Variants in SORD observed in about 807,000 individuals in gnomAD.
SORD encodes (R,R)-butanediol dehydrogenase.
In SORD, 18 loss-of-function variants were observed where a neutral mutation model predicts 35.6. That is an observed-to-expected ratio of 0.51 (90% confidence interval 0.35 to 0.75). SORD has a LOEUF of 0.75. Among genes scored for constraint, SORD ranks in the 30% least tolerant of loss-of-function variants. The pLI is 0.01. For synonymous variants in SORD, 106 were observed against 152.9 expected (o/e 0.69, Z 2.26); for missense variants, 250 against 390.2 (o/e 0.64, Z 3.03).
Position 45,023,342 on chromosome 15 carries a change from T to TG in SORD, c.60dup (p.Arg21AlafsTer9), listed in dbSNP as rs1309942106. 1 of 1,577,520 alleles carries TG rather than the reference T, an allele frequency of 6.3e-7. No individual in the cohort carries two copies. Among genetic ancestry groups the TG allele is most frequent in the Admixed American group, 1.8e-5 (1 of 55,844 alleles). ...CTGGTGGTGCACGGACCGGGGGACT[T>TG]GCGCCTGGTAAGCTGGGAAGGAGGG... On this transcript the variant is annotated frameshift_variant, in exon 1 of 9. Coordinates refer to ENST00000267814, the MANE Select transcript of SORD (RefSeq NM_003104.6). LOFTEE classifies it high-confidence loss of function.
intron 1 of SORD, among the ~76,000 whole-genome samples, chr15:45,030,811 AGCCTGGT>A (rs1892768294): frequency 6.6e-6 from 1 of 152,228 alleles, no homozygotes; most frequent in East Asian, 1.9e-4. Flanking sequence ...TCACCTCTCC[AGCCTGGT>A]GAGGACAGGG....
At chr15:45,029,176 G>A (rs1352357198) in intron 1 of SORD, among the ~76,000 whole-genome samples, 6 of 152,346 alleles carry the variant, frequency 3.9e-5, no homozygotes, top group African/African-American at 1.2e-4. Flanking sequence ...TCTTAATTAT[G>A]TTTTAACAAC....
chr15:45,045,088 G>T (rs544394670), intron 3 of SORD, among the ~76,000 whole-genome samples: 1 of 152,236 alleles, frequency 6.6e-6, no homozygotes, highest in African/African-American at 2.4e-5. Context: ...ATTGCCCAGG[G>T]TCACTCACTA....
At chr15:45,034,646 T>C (rs1192154649) in intron 1 of SORD, among the ~76,000 whole-genome samples, 1 of 152,222 alleles carries the variant, frequency 6.6e-6, no homozygotes, top group African/African-American at 2.4e-5. Flanking sequence ...CTGAAGGGGA[T>C]AGAAGGTGAG....
intron 4 of SORD, among the ~76,000 whole-genome samples, chr15:45,064,186 G>T (rs1893368730): frequency 6.6e-6 from 1 of 151,542 alleles, no homozygotes; most frequent in Non-Finnish European, 1.5e-5. Flanking sequence ...GCAGAAATTG[G>T]ATATTAATAT....
chr15:45,025,774 T>A (rs552353401), intron 1 of SORD, among the ~76,000 whole-genome samples: 1 of 152,334 alleles, frequency 6.6e-6, no homozygotes, highest in Admixed American at 6.5e-5. Flanking sequence ...TGAGCAGTAC[T>A]GCACTGCCCC....
intron 7 of SORD, chr15:45,070,108 T>C (rs1026652751): frequency 6.6e-6 from 1 of 152,140 alleles, no homozygotes; most frequent in Non-Finnish European, 1.5e-5. Context: ...CATTTTATGC[T>C]GAGGGATTTG....
intron 4 of SORD, among the ~76,000 whole-genome samples, chr15:45,063,168 G>C (rs1893349646): frequency 6.7e-6 from 1 of 149,358 alleles, no homozygotes; most frequent in Non-Finnish European, 1.5e-5. Flanking sequence ...CTTTCTGCCT[G>C]TGTCCCCAGT....
At chr15:45,060,872 C>A (rs1893291608) in intron 3 of SORD, 195 bp from the exon 4 acceptor site, 2 of 1,285,614 alleles carry the variant, frequency 1.6e-6, no homozygotes, top group Non-Finnish European at 2.1e-6. Context: ...GCCTAGGACA[C>A]CCTGGGTCCC....
intron 2 of SORD, among the ~76,000 whole-genome samples, chr15:45,041,042 C>G (rs1175138551): frequency 6.6e-6 from 1 of 152,194 alleles, no homozygotes; most frequent in East Asian, 1.9e-4. Context: ...GGGTTTCCAA[C>G]ACCTTTACTC....
chr15:45,030,968 A>C (rs568926936), intron 1 of SORD, among the ~76,000 whole-genome samples: 1 of 152,268 alleles, frequency 6.6e-6, no homozygotes, highest in Non-Finnish European at 1.5e-5. Context: ...TCAATGGCCA[A>C]TTAAATGTGA....
chr15:45,054,363 T>A (rs200874181), intron 3 of SORD, among the ~76,000 whole-genome samples: 2,406 of 152,156 alleles, frequency 0.016, 17 homozygotes, highest in Middle Eastern at 0.031. Context: ...GGTATCTCAT[T>A]GTGGTTTTGA....
intron 3 of SORD, among the ~76,000 whole-genome samples, chr15:45,050,924 C>T (rs2437860): frequency 0.97 from 147,545 of 152,316 alleles, 71,532 homozygotes; most frequent in Non-Finnish European, 0.99. Context: ...TTAGTTCAGT[C>T]TTCTATTAGT....
chr15:45,054,727 A>G (rs1384690913), intron 3 of SORD, among the ~76,000 whole-genome samples: 1 of 152,182 alleles, frequency 6.6e-6, no homozygotes, highest in South Asian at 2.1e-4. Flanking sequence ...GCCTATGCCT[A>G]TGTCCTGAAT....
chr15:45,034,112 A>G (rs1345439180), intron 1 of SORD, among the ~76,000 whole-genome samples: 1 of 151,908 alleles, frequency 6.6e-6, no homozygotes, highest in Non-Finnish European at 1.5e-5. Flanking sequence ...GTGTGAACTA[A>G]TTATGGAAAA....
At chr15:45,030,198 T>C (rs184247415) in intron 1 of SORD, among the ~76,000 whole-genome samples, 13 of 152,308 alleles carry the variant, frequency 8.5e-5, no homozygotes, top group African/African-American at 2.6e-4. Context: ...TGCCTAGGCA[T>C]TTGGCCACCT....
At chr15:45,026,374 A>G (rs11070439) in intron 1 of SORD, among the ~76,000 whole-genome samples, 34,155 of 152,104 alleles carry the variant, frequency 0.22, 4,889 homozygotes, top group African/African-American at 0.39. Flanking sequence ...ATTGTCAGCA[A>G]ATGCATTTTG....
chr15:45,059,551 T>C (rs60972662), intron 3 of SORD, among the ~76,000 whole-genome samples: 1,964 of 152,346 alleles, frequency 0.013, 53 homozygotes, highest in African/African-American at 0.045. Flanking sequence ...GGGAATGCAG[T>C]GGTGTGATCA....
In SORD at chr15:45,035,971, C is replaced by G. The variant is rs1445078618; in HGVS notation, c.67-4437C>G. On this transcript the variant is annotated intron_variant, in intron 1 of 8. Transcript: ENST00000267814. ...CCTTTAAGAACTGTAACACTCACGG[C>G]GAAGGTCTACAGCTTCACTCCTGAA... 2.0e-5 allele frequency among the ~76,000 whole-genome samples: 3 copies of G among 148,376 alleles called. No homozygotes were observed. In the South Asian group the frequency reaches 6.4e-4, roughly 32 times the overall value.
Sources: allele counts gnomAD v4.1 joint callset (sites outside exome capture counted in the v4.1 genomes callset), GRCh38; gene constraint gnomAD v4.1.1; transcripts MANE v1.5; gene names NCBI Gene and HGNC (gene_info 2026-07-23, HGNC 2026-07-21).